The following FBXO42 variants were observed in gnomAD, a reference collection of about 807,000 sequenced individuals.
FBXO42 encodes F-box protein 42.
FBXO42 carries 12 observed loss-of-function variants against 71.7 expected under a neutral mutation model. The ratio of observed to expected loss-of-function variants is 0.17; its 90% CI spans 0.11 to 0.27. The LOEUF (loss-of-function observed/expected upper bound fraction) is 0.27. Among genes scored for constraint, FBXO42 ranks in the 10% least tolerant of loss-of-function variants. FBXO42 has a pLI of 1.00. For synonymous variants in FBXO42, 325 were observed against 327.5 expected, an observed-to-expected ratio of 0.99 and a Z score of 0.08; for missense variants, 707 against 911.9, an observed-to-expected ratio of 0.78 and a Z score of 2.89.
chr1:16,287,447 A>G (rs2082033856), intron 4 of FBXO42, among the ~76,000 whole-genome samples: 1 of 152,194 alleles, frequency 6.6e-6, no homozygotes, highest in Non-Finnish European at 1.5e-5. Context: ...TAGTCTCATT[A>G]GGGCTGAGAT....
At chr1:16,338,486 C>G (rs2082573954) in intron 1 of FBXO42, among the ~76,000 whole-genome samples, 1 of 151,856 alleles carries the variant, frequency 6.6e-6, no homozygotes, top group African/African-American at 2.4e-5. Context: ...TGCTTTGATG[C>G]TGGGCATTGT....
intron 1 of FBXO42, among the ~76,000 whole-genome samples, chr1:16,336,579 A>G (rs1357412422): frequency 2.1e-5 from 3 of 144,272 alleles, no homozygotes; most frequent in Non-Finnish European, 4.6e-5. Context: ...CTGGTCTTGA[A>G]CTCCTGACCT....
chr1:16,276,124 G>GT (rs1226760686), intron 4 of FBXO42, among the ~76,000 whole-genome samples: 2 of 152,124 alleles, frequency 1.3e-5, no homozygotes, highest in Non-Finnish European at 2.9e-5. Flanking sequence ...GCTCACGCCT[G>GT]TAATCCCAGC....
At chr1:16,327,542 G>A (rs186926234) in intron 1 of FBXO42, among the ~76,000 whole-genome samples, 278 of 152,230 alleles carry the variant, frequency 1.8e-3, no homozygotes, top group Non-Finnish European at 3.4e-3. Flanking sequence ...AAGATAAATA[G>A]ATTCAGAGTT....
rs114001122 is a variant in FBXO42 at position 16,315,770 on chromosome 1, T to C, written c.-17-335A>G. 8.7e-3 allele frequency among the ~76,000 whole-genome samples: 1,318 copies of C among 152,292 alleles called. 12 individuals are homozygous for C. The highest frequency in any genetic ancestry group is 0.03 in the African/African-American group (1,253 of 41,576). ...GACCGACAGCAAAGGGAAGAGCAACTAGCCTCCTTGGCCAGTAACAATGAT... is the reference window on the plus strand; with the variant it reads ...GACCGACAGCAAAGGGAAGAGCAACCAGCCTCCTTGGCCAGTAACAATGAT... On this transcript the variant is annotated intron_variant, in intron 1 of 9. Transcript: ENST00000375592.
chr1:16,335,869 CAA>C (rs59693692), intron 1 of FBXO42, among the ~76,000 whole-genome samples: 9 of 84,390 alleles, frequency 1.1e-4, no homozygotes, highest in East Asian at 4.0e-4. Context: ...TCCATCGCGC[CAA>C]AAAAAAAAAA....
At chr1:16,305,366 T>C (rs1166267591) in intron 3 of FBXO42, among the ~76,000 whole-genome samples, 5 of 152,070 alleles carry the variant, frequency 3.3e-5, no homozygotes, top group African/African-American at 1.2e-4. Context: ...ACAGCCTGGG[T>C]GACAGAGTGA....
intron 4 of FBXO42, among the ~76,000 whole-genome samples, chr1:16,279,292 G>A (rs1201064818): frequency 6.6e-6 from 1 of 152,114 alleles, no homozygotes; most frequent in Admixed American, 6.6e-5. Flanking sequence ...TATTTCCAAC[G>A]GAGCTTCTAA....
chr1:16,288,005 G>A (rs932809579), intron 4 of FBXO42, among the ~76,000 whole-genome samples: 5 of 152,110 alleles, frequency 3.3e-5, no homozygotes, highest in African/African-American at 1.2e-4. Context: ...AATTAGCTGG[G>A]TGTGGTGGTG....
At chr1:16,294,998 A>G in intron 3 of FBXO42, 81 bp from the exon 4 acceptor site, 1 of 1,453,960 alleles carries the variant, frequency 6.9e-7, no homozygotes, top group Non-Finnish European at 9.1e-7. Context: ...TATTTTTCAA[A>G]GCTTATTTCA....
At chr1:16,336,771 G>T (rs1018546649) in intron 1 of FBXO42, among the ~76,000 whole-genome samples, 1 of 149,606 alleles carries the variant, frequency 6.7e-6, no homozygotes, top group Non-Finnish European at 1.5e-5. Flanking sequence ...ATCACCTAAG[G>T]TCAGGAGTTC....
At chr1:16,254,788 G>A (rs976136113) in intron 6 of FBXO42, among the ~76,000 whole-genome samples, 1 of 152,224 alleles carries the variant, frequency 6.6e-6, no homozygotes, top group Non-Finnish European at 1.5e-5. Context: ...GGAATGCTCT[G>A]GCTCCTGACT....
At chr1:16,343,724 G>A (rs1284377609) in intron 1 of FBXO42, among the ~76,000 whole-genome samples, 1 of 151,952 alleles carries the variant, frequency 6.6e-6, no homozygotes, top group Non-Finnish European at 1.5e-5. Flanking sequence ...TTGGGAGGCT[G>A]AGGCAGGAGA....
At chr1:16,265,562 T>C (rs1237182351) in intron 4 of FBXO42, among the ~76,000 whole-genome samples, 1 of 151,978 alleles carries the variant, frequency 6.6e-6, no homozygotes, top group Non-Finnish European at 1.5e-5. Flanking sequence ...CAGGTATTAC[T>C]AGCCTCATTT....
chr1:16,253,503 C>A, intron 7 of FBXO42, 132 bp downstream of exon 7: 1 of 708,708 alleles, frequency 1.4e-6, no homozygotes. Flanking sequence ...AAATAAATAC[C>A]AGTAAAAAAG....
At position 16,250,676 on chromosome 1, in the gene FBXO42, C is replaced by A; in HGVS notation, c.2148G>T (p.Lys716Asn). Residue 716 changes from lysine (K) to asparagine (N), a missense_variant, in exon 10 of 10, where the codon AAG becomes AAT. Physicochemically the swap from Lys to Asn is moderately conservative, Grantham distance 94. Coordinates refer to ENST00000375592, the MANE Select transcript of FBXO42 (RefSeq NM_018994.3). The surrounding 1 kb of genome is among the most constrained non-coding windows in gnomAD (Gnocchi z 4.7). ...KTNALYFVRA[K>N]R ...GAAAGGGGTTTAGAACACATTATCT[C>A]TTTGCTCGTACAAAGTACAAGGCGT... 1.2e-6 allele frequency: 2 copies of A among 1,612,706 alleles called. No individual in the cohort carries two copies. Among genetic ancestry groups the A allele is most frequent in the Non-Finnish European group, 1.7e-6 (2 of 1,179,104 alleles).
chr1:16,297,180 G>GGAACTCC (rs2082139248), intron 3 of FBXO42, among the ~76,000 whole-genome samples: 2 of 151,992 alleles, frequency 1.3e-5, no homozygotes, highest in Admixed American at 1.3e-4. Flanking sequence ...CTGACCTCAG[G>GGAACTCC]TGATCCACCC....
chr1:16,331,126 A>G (rs905388696), intron 1 of FBXO42, among the ~76,000 whole-genome samples: 3 of 151,670 alleles, frequency 2.0e-5, no homozygotes, highest in African/African-American at 7.3e-5. Context: ...CTCAAAAATA[A>G]TAATAGGCTG....
In FBXO42 at chr1:16,251,847, A is replaced by G; in HGVS notation, c.1039-62T>C. The G allele has an allele frequency of 6.5e-7, 1 of 1,538,682 alleles. No individual in the cohort carries two copies. On this transcript the variant is annotated intron_variant, in intron 9 of 9. Transcript: ENST00000375592. This position sits in a 1 kb window ranked among gnomAD's most constrained non-coding sequence, Gnocchi z 4.5. ...GATTCTGATTGTTCATTCAACTGTC[A>G]AACATTTTATCATGAGCATCTGTCA...
Sources: gnomAD v4.1 joint callset for allele counts (sites outside exome capture counted in the v4.1 genomes callset) on GRCh38, gnomAD v4.1.1 for gene constraint, Gnocchi (gnomAD v3.1) non-coding constraint, MANE v1.5 for transcripts, NCBI Gene and HGNC (gene_info 2026-07-23, HGNC 2026-07-21) for gene names.